SCD5: variants seen among roughly 807,000 people sequenced by gnomAD.
SCD5 encodes stearoyl-CoA desaturase 5.
Under a neutral mutation model 30.4 loss-of-function variants are expected in SCD5, and 20 were observed. That is an observed-to-expected ratio of 0.66 (90% CI 0.46 to 0.96). The LOEUF (loss-of-function observed/expected upper bound fraction) is 0.96. SCD5 is among the 40% of genes least tolerant of loss of function. The pLI is 0.00. For missense variants in SCD5, 381 were observed against 443.3 expected (o/e 0.86, Z 1.26); for synonymous variants, 173 against 176.4 (o/e 0.98, Z 0.16).
intron 1 of SCD5, among the ~76,000 whole-genome samples, chr4:82,741,185 C>T (rs531406295): frequency 1.1e-3 from 171 of 152,030 alleles, no homozygotes; most frequent in African/African-American, 3.3e-3. Flanking sequence ...GCAATCTGCC[C>T]GCCTCAGCTC....
At position 82,680,857 on chromosome 4, in the gene SCD5, G is replaced by A. The variant is rs144129039; in HGVS notation, c.419C>T (p.Thr140Met). The A allele has an allele frequency of 5.7e-5, 92 of 1,613,686 alleles. No homozygotes were observed. Among genetic ancestry groups the A allele is most frequent in the Non-Finnish European group, 6.9e-5 (81 of 1,179,982 alleles). ...DHRAHHKYSE[T>M]DADPHNARRG... is the part of the protein sequence containing the mutation. ...GCGGGCATTGTGGGGGTCAGCATCC[G>A]TCTCTGAGTACTTGTGGTGGGCTCG... Residue 140 changes from threonine to methionine, a missense_variant, in exon 3 of 5, where the codon ACG becomes ATG. Transcript: ENST00000319540.
chr4:82,755,691 C>T (rs928875834), intron 1 of SCD5, among the ~76,000 whole-genome samples: 3 of 152,154 alleles, frequency 2.0e-5, no homozygotes, highest in African/African-American at 7.2e-5. Flanking sequence ...TTTCAAAATA[C>T]GTCTAGTCTC....
At chr4:82,776,779 A>G (rs1409855578) in intron 1 of SCD5, among the ~76,000 whole-genome samples, 1 of 152,228 alleles carries the variant, frequency 6.6e-6, no homozygotes, top group Admixed American at 6.5e-5. Flanking sequence ...CTATGTAACA[A>G]TGGTATGGTT....
In SCD5 at chr4:82,798,759, T is replaced by C; in HGVS notation, c.-222A>G. The C allele has an allele frequency of 1.9e-6, 1 of 522,022 alleles. No homozygotes were observed. The allele number at this position is 522,022 out of a possible 1,614,324, so 32.3% of individuals were successfully genotyped here. A position where few individuals can be genotyped will look rare whatever the true frequency, so the allele number is the denominator to read the frequency against. On this transcript the variant is annotated 5_prime_UTR_variant, in exon 1 of 5. Transcript: ENST00000319540. The stretch of plus-strand genomic sequence containing the variant: ...GCGGCCGGCGTCTGTTGCTGGCGTA[T>C]CCCCCATATGGCTGCCCGGGCTGAA...
At chr4:82,637,198 C>T (rs1427934676) in intron 3 of SCD5, among the ~76,000 whole-genome samples, 2 of 152,192 alleles carry the variant, frequency 1.3e-5, no homozygotes, top group Non-Finnish European at 2.9e-5. Flanking sequence ...CATCAATCAA[C>T]CTGATATTCA....
intron 1 of SCD5, among the ~76,000 whole-genome samples, chr4:82,723,673 A>ATT (rs1269992712): frequency 1.3e-5 from 2 of 152,228 alleles, no homozygotes; most frequent in South Asian, 2.1e-4. Flanking sequence ...CCCTTCAGGC[A>ATT]TTCTTGCCAA....
intron 3 of SCD5, among the ~76,000 whole-genome samples, chr4:82,654,367 C>A (rs1280443009): frequency 6.6e-6 from 1 of 152,152 alleles, no homozygotes; most frequent in Non-Finnish European, 1.5e-5. Context: ...ACAATGATTT[C>A]TTTGGTCTCT....
intron 3 of SCD5, among the ~76,000 whole-genome samples, chr4:82,662,797 T>C (rs573133646): frequency 1.3e-5 from 2 of 149,196 alleles, no homozygotes; most frequent in Non-Finnish European, 1.5e-5. Flanking sequence ...GAGACGGAGA[T>C]TGCAGTGAGC....
At chr4:82,772,061 T>C (rs1422515675) in intron 1 of SCD5, among the ~76,000 whole-genome samples, 2 of 152,184 alleles carry the variant, frequency 1.3e-5, no homozygotes, top group African/African-American at 4.8e-5. Context: ...GGGCAAAGAA[T>C]ATCCAGGGAT....
intron 1 of SCD5, among the ~76,000 whole-genome samples, chr4:82,731,467 G>A (rs187813935): frequency 2.2e-4 from 33 of 152,328 alleles, no homozygotes; most frequent in Admixed American, 3.9e-4. Context: ...GCCACTCCAG[G>A]ACCAGACTTG....
At chr4:82,792,999 T>C (rs1208328259) in intron 1 of SCD5, among the ~76,000 whole-genome samples, 1 of 152,232 alleles carries the variant, frequency 6.6e-6, no homozygotes, top group East Asian at 1.9e-4. Context: ...TTGGGACTAT[T>C]AGAGCCAGCA....
At chr4:82,717,881 A>G (rs4348082) in intron 1 of SCD5, among the ~76,000 whole-genome samples, 90,245 of 151,224 alleles carry the variant, frequency 0.6, 28,849 homozygotes, top group African/African-American at 0.82. Flanking sequence ...GTACCACTGC[A>G]CTCCAGCCTG....
intron 1 of SCD5, among the ~76,000 whole-genome samples, chr4:82,716,080 A>G (rs1720220059): frequency 1.3e-5 from 2 of 151,862 alleles, no homozygotes; most frequent in Non-Finnish European, 2.9e-5. Flanking sequence ...ACTATTCGAT[A>G]GCATAAACTA....
chr4:82,765,533 TATA>T (rs1374133340), intron 1 of SCD5, among the ~76,000 whole-genome samples: 2 of 152,216 alleles, frequency 1.3e-5, no homozygotes. Context: ...CTTGATTACT[TATA>T]ATACCTAACA....
At position 82,796,279 on chromosome 4, in the gene SCD5, A is replaced by T. The variant is rs191543560; in HGVS notation, c.232+2027T>A. Among the ~76,000 whole-genome samples the T allele has an allele frequency of 2.9e-3, 434 of 152,020 alleles. 6 individuals carry two copies. Among genetic ancestry groups the T allele is most frequent in the African/African-American group, 1.0e-2 (413 of 41,422 alleles). ...AGCGAGACTCTGTCTCAAAAAAAAA[A>T]AAAAGACTTAGGAAATAGCAGATGA... On this transcript the variant is annotated intron_variant, in intron 1 of 4. Coordinates refer to ENST00000319540, the MANE Select transcript of SCD5 (RefSeq NM_001037582.3).
chr4:82,665,061 C>CACATAT (rs1728149343), intron 3 of SCD5, among the ~76,000 whole-genome samples: 1 of 22,328 alleles, frequency 4.5e-5, no homozygotes, highest in African/African-American at 3.3e-4. Context: ...TACACACACA[C>CACATAT]ATATATATAT....
chr4:82,766,567 C>T (rs922270074), intron 1 of SCD5, among the ~76,000 whole-genome samples: 1 of 152,018 alleles, frequency 6.6e-6, no homozygotes, highest in Non-Finnish European at 1.5e-5. Context: ...GTGTCATTTC[C>T]GACTCTGTTT....
At chr4:82,751,406 T>C (rs954992933) in intron 1 of SCD5, among the ~76,000 whole-genome samples, 3 of 152,188 alleles carry the variant, frequency 2.0e-5, no homozygotes, top group African/African-American at 7.2e-5. Context: ...TCGACATTCA[T>C]GGGGACATTT....
intron 1 of SCD5, among the ~76,000 whole-genome samples, chr4:82,759,853 G>A (rs1337575629): frequency 6.6e-6 from 1 of 152,080 alleles, no homozygotes; most frequent in Non-Finnish European, 1.5e-5. Context: ...CACAGGGTTT[G>A]ATACCTGGTA....
Sources: allele counts gnomAD v4.1 joint callset (sites outside exome capture counted in the v4.1 genomes callset), GRCh38; gene constraint gnomAD v4.1.1; transcripts MANE v1.5; gene names NCBI Gene and HGNC (gene_info 2026-07-23, HGNC 2026-07-21).